The following TRERF1 variants were observed in gnomAD, a reference collection of about 807,000 sequenced individuals.
TRERF1 encodes transcriptional regulating factor 1, also known as transcriptional-regulating factor 1.
A neutral mutation model predicts 122.9 loss-of-function variants in TRERF1; 27 were observed. The observed-to-expected ratio is 0.22, with a 90% CI of 0.16 to 0.30. The LOEUF (loss-of-function observed/expected upper bound fraction) is 0.30, where lower values mean the gene tolerates loss of function less well. TRERF1 is among the 10% of genes least tolerant of loss of function. The probability of loss-of-function intolerance (pLI) is 1.00; values close to 1 mark genes in which losing one functional copy is unlikely to be tolerated. For missense variants in TRERF1, 1,248 were observed against 1,560.3 expected (o/e 0.80, Z 3.37); for synonymous variants, 636 against 641.7 (o/e 0.99, Z 0.13).
intron 14 of TRERF1, among the ~76,000 whole-genome samples, chr6:42,246,145 T>A (rs1337130196): frequency 6.6e-6 from 1 of 152,086 alleles, no homozygotes; most frequent in Admixed American, 6.6e-5. Context: ...ATTATGTAAA[T>A]TGTGGACCAG....
intron 3 of TRERF1, among the ~76,000 whole-genome samples, chr6:42,329,933 G>C (rs1764962884): frequency 2.0e-5 from 3 of 152,022 alleles, no homozygotes; most frequent in Admixed American, 2.0e-4. Flanking sequence ...ACCTTGCAGT[G>C]AGCCGAGATT....
chr6:42,287,642 C>G (rs1783507317), intron 4 of TRERF1, among the ~76,000 whole-genome samples: 2 of 152,330 alleles, frequency 1.3e-5, no homozygotes, highest in South Asian at 4.1e-4. Context: ...ACCCTTTACC[C>G]AGGATCCTGA....
intron 5 of TRERF1, among the ~76,000 whole-genome samples, chr6:42,267,625 C>T (rs577633030): frequency 3.6e-4 from 55 of 152,110 alleles, no homozygotes; most frequent in Admixed American, 9.8e-4. Flanking sequence ...GGGTGAGACT[C>T]CATCTCAAAA....
intron 3 of TRERF1, among the ~76,000 whole-genome samples, chr6:42,325,780 T>C (rs1764183468): frequency 6.6e-6 from 1 of 151,890 alleles, no homozygotes. Context: ...AAGGCTGCGG[T>C]GGGAGGATGG....
intron 4 of TRERF1, among the ~76,000 whole-genome samples, chr6:42,287,634 C>A (rs150143613): frequency 0.013 from 1,997 of 152,260 alleles, 18 homozygotes; most frequent in South Asian, 0.03. Flanking sequence ...AACTGGAGAC[C>A]CTTTACCCAG....
intron 16 of TRERF1, among the ~76,000 whole-genome samples, chr6:42,233,486 C>T (rs900326042): frequency 2.0e-4 from 30 of 152,086 alleles, no homozygotes; most frequent in Admixed American, 3.3e-4. Context: ...AGGGTTTCAC[C>T]GTGTTAGCCA....
chr6:42,303,387 G>C (rs575431506), intron 3 of TRERF1, among the ~76,000 whole-genome samples: 1 of 152,340 alleles, frequency 6.6e-6, no homozygotes, highest in Non-Finnish European at 1.5e-5. Flanking sequence ...TAAGGAATTA[G>C]TCTTTAATAT....
At chr6:42,376,808 T>C (rs1774970747) in intron 2 of TRERF1, among the ~76,000 whole-genome samples, 1 of 152,044 alleles carries the variant, frequency 6.6e-6, no homozygotes. Context: ...CCCAAAGTGC[T>C]GGGATTACAG....
chr6:42,400,055 T>C (rs1160059605), intron 2 of TRERF1, among the ~76,000 whole-genome samples: 6 of 152,162 alleles, frequency 3.9e-5, no homozygotes, highest in Admixed American at 3.3e-4. Context: ...ATCAGAATTG[T>C]GTTAGAATCC....
chr6:42,249,768 G>C (rs1775436407), intron 13 of TRERF1, among the ~76,000 whole-genome samples: 1 of 152,166 alleles, frequency 6.6e-6, no homozygotes. Context: ...TAGGCTTTGT[G>C]CTTTGGTGCA....
intron 2 of TRERF1, among the ~76,000 whole-genome samples, chr6:42,389,183 G>T (rs1056899665): frequency 1.3e-5 from 2 of 152,222 alleles, no homozygotes; most frequent in Admixed American, 1.3e-4. Flanking sequence ...GTAGAATACA[G>T]TTGACACTGA....
intron 2 of TRERF1, among the ~76,000 whole-genome samples, chr6:42,381,365 C>A (rs539927415): frequency 2.6e-4 from 39 of 150,402 alleles, no homozygotes; most frequent in Non-Finnish European, 5.0e-4. Flanking sequence ...AAGGAACCAC[C>A]CAGGGATTGG....
At chr6:42,233,535 T>C (rs540060611) in intron 16 of TRERF1, among the ~76,000 whole-genome samples, 1 of 152,326 alleles carries the variant, frequency 6.6e-6, no homozygotes, top group African/African-American at 2.4e-5. Flanking sequence ...TCTGCCCGCC[T>C]TGGCCTCCCA....
intron 2 of TRERF1, among the ~76,000 whole-genome samples, chr6:42,376,984 G>A (rs1335540856): frequency 2.6e-5 from 4 of 151,898 alleles, no homozygotes; most frequent in African/African-American, 9.7e-5. Context: ...TCCTTCCTCA[G>A]CCTCCCAAGT....
At chr6:42,381,326 A>C (rs1286490035) in intron 2 of TRERF1, among the ~76,000 whole-genome samples, 2 of 148,316 alleles carry the variant, frequency 1.3e-5, no homozygotes, top group African/African-American at 5.1e-5. Flanking sequence ...CCTTAAAACA[A>C]GGCGCTGGTT....
At chr6:42,257,257 G>C (rs193121401) in intron 10 of TRERF1, among the ~76,000 whole-genome samples, 155 bp from the exon 11 acceptor site, 11 of 152,340 alleles carry the variant, frequency 7.2e-5, no homozygotes, top group Non-Finnish European at 1.3e-4. Flanking sequence ...TTCCACACGT[G>C]GCCTTTTCAC....
At chr6:42,434,615 A>G (rs1784973709) in intron 2 of TRERF1, among the ~76,000 whole-genome samples, 1 of 151,184 alleles carries the variant, frequency 6.6e-6, no homozygotes, top group African/African-American at 2.4e-5. Flanking sequence ...AATAAAACGC[A>G]TTTTCCGACA....
chr6:42,267,359 A>C (rs1342438553), intron 5 of TRERF1, among the ~76,000 whole-genome samples: 2 of 152,140 alleles, frequency 1.3e-5, no homozygotes, highest in African/African-American at 4.8e-5. Context: ...GGCCAGGCAC[A>C]GTGGCTCACA....
At chr6:42,399,135 G>A (rs1350716693) in intron 2 of TRERF1, among the ~76,000 whole-genome samples, 1 of 152,088 alleles carries the variant, frequency 6.6e-6, no homozygotes, top group African/African-American at 2.4e-5. Flanking sequence ...TTTTCTAAAT[G>A]GTTTTGTTGT....
Sources: allele counts gnomAD v4.1 joint callset (sites outside exome capture counted in the v4.1 genomes callset), GRCh38; gene constraint gnomAD v4.1.1; transcripts MANE v1.5; gene names NCBI Gene and HGNC (gene_info 2026-07-23, HGNC 2026-07-21).